Variants in PLEKHG4B observed in about 807,000 individuals in gnomAD.
The protein encoded by PLEKHG4B is pleckstrin homology and RhoGEF domain containing G4B.
In PLEKHG4B, 111 loss-of-function variants were observed where a neutral mutation model predicts 121.3. The observed-to-expected ratio is 0.92, with a 90% CI of 0.78 to 1.07. PLEKHG4B has a LOEUF of 1.07. PLEKHG4B is among the 50% of genes least tolerant of loss of function. The pLI, the probability that PLEKHG4B is intolerant of heterozygous loss-of-function variation, is 0.00. For synonymous variants in PLEKHG4B, 738 were observed against 725.0 expected (o/e 1.02, Z -0.29); for missense variants, 1,831 against 1,757.8 (o/e 1.04, Z -0.74).
chr5:179,361 C>T (rs1736861685), intron 18 of PLEKHG4B, among the ~76,000 whole-genome samples: 1 of 152,126 alleles, frequency 6.6e-6, no homozygotes, highest in Non-Finnish European at 1.5e-5. Context: ...AGGGGAAGGC[C>T]ATGGAGGGTG....
rs985683051 is a variant in PLEKHG4B, at chr5:144,809, C to G, written c.1812-18C>G. 7 of 1,605,076 alleles carry G rather than the reference C, an allele frequency of 4.4e-6. No homozygotes were observed. In the East Asian group the frequency reaches 6.7e-5, roughly 15 times the overall value. On this transcript the variant is annotated intron_variant, in intron 5 of 19. Coordinates refer to ENST00000637938, the MANE Select transcript of PLEKHG4B (RefSeq NM_052909.5). ...TTTAACCTTCAGTGGTTAAGATGGG[C>G]TGTCTTTCCCTCCCCAGGAAAGAGG...
chr5:148,354 AAAAT>A (rs1735496533), intron 6 of PLEKHG4B, among the ~76,000 whole-genome samples: 1 of 151,026 alleles, frequency 6.6e-6, no homozygotes, highest in Non-Finnish European at 1.5e-5. Flanking sequence ...CAAAAAAAAA[AAAAT>A]AAATAAAAAT....
At chr5:149,905 G>A (rs1735549937) in intron 6 of PLEKHG4B, among the ~76,000 whole-genome samples, 1 of 152,216 alleles carries the variant, frequency 6.6e-6, no homozygotes, top group African/African-American at 2.4e-5. Context: ...TGGAACCCTT[G>A]TGCACGGTTG....
Position 113,809 on chromosome 5 carries a change from C to G in PLEKHG4B, c.243+361C>G, listed in dbSNP as rs1465037486. 6.6e-6 allele frequency among the ~76,000 whole-genome samples: 1 copy of G among 152,162 alleles called. No individual in the cohort carries two copies. The highest frequency in any genetic ancestry group is 1.5e-5 in the Non-Finnish European group (1 of 68,032). On this transcript the variant is annotated intron_variant, in intron 2 of 19. Transcript: ENST00000637938. This position sits in a 1 kb window ranked among gnomAD's most constrained non-coding sequence, Gnocchi z 5.2. The stretch of plus-strand genomic sequence containing the variant: ...AGGGACTGTACTGAGCACTTCAGAG[C>G]TAAGTTACTGCAGCAGTAACAATGA...
At chr5:97,095 A>T (rs1386555260) in intron 1 of PLEKHG4B, among the ~76,000 whole-genome samples, 1 of 151,960 alleles carries the variant, frequency 6.6e-6, no homozygotes, top group Non-Finnish European at 1.5e-5. Flanking sequence ...GATTTTCCTC[A>T]TTCCAAAGTC....
In PLEKHG4B at chr5:155,439, C is replaced by T; in HGVS notation, c.2204C>T (p.Ala735Val). ...SLNTHRTPRT[A>V]QEVAELIDQH... The stretch of plus-strand genomic sequence containing the variant: ...AACACCCACAGAACCCCAAGAACAG[C>T]CCAGGTGAGTCCTCAGACTTGCAGG... The change falls in exon 9 of 20, where the codon GCC becomes GTC. Residue 735 changes from alanine (A) to valine (V), a missense_variant. By Grantham distance (64) the Ala-to-Val change is moderately conservative (BLOSUM62 0). Transcript: ENST00000637938. 1 of 1,612,838 alleles carries T rather than the reference C, an allele frequency of 6.2e-7. No individual in the cohort carries two copies. The highest frequency in any genetic ancestry group is 8.5e-7 in the Non-Finnish European group (1 of 1,178,806).
In PLEKHG4B at chr5:187,505, AAC is replaced by A. The variant is rs1348467002; in HGVS notation, c.*5185_*5186del. 6.6e-6 allele frequency: 1 copy of A among 152,310 alleles called. No homozygotes were observed. The highest frequency in any genetic ancestry group is 2.4e-5 in the African/African-American group (1 of 41,432). 9.4% of individuals were successfully genotyped at this position (152,310 alleles called of 1,614,324 possible). On this transcript the variant is annotated 3_prime_UTR_variant, in exon 20 of 20. Transcript: ENST00000637938. ...TCCACGTCCCCAGACCCCTCATGCC[AAC>A]ACCATTCCACCCAGCAGTTTCTTCC... is the stretch of plus-strand genomic sequence containing the variant.
At chr5:158,388 ATCTCC>A (rs1490092577) in intron 11 of PLEKHG4B, among the ~76,000 whole-genome samples, 2 of 96,906 alleles carry the variant, frequency 2.1e-5, no homozygotes, top group Non-Finnish European at 4.1e-5. Flanking sequence ...GGTCTCCTCC[ATCTCC>A]TCTCCTCTCT....
intron 6 of PLEKHG4B, among the ~76,000 whole-genome samples, chr5:149,113 C>T (rs749544078): frequency 1.3e-5 from 2 of 151,992 alleles, no homozygotes; most frequent in Non-Finnish European, 2.9e-5. Flanking sequence ...AACTATAAAA[C>T]GTTTAGAAGA....
intron 2 of PLEKHG4B, among the ~76,000 whole-genome samples, chr5:123,608 G>T (rs1174427085): frequency 6.6e-6 from 1 of 152,088 alleles, no homozygotes; most frequent in Non-Finnish European, 1.5e-5. Context: ...GGTAGGCTTT[G>T]TGTCTCTAGG....
At position 162,828 on chromosome 5, in the gene PLEKHG4B, C is replaced by T; in HGVS notation, c.2756C>T (p.Ala919Val). 1.3e-6 allele frequency: 2 copies of T among 1,512,530 alleles called. No homozygotes were observed. Among genetic ancestry groups the T allele is most frequent in the Non-Finnish European group, 1.8e-6 (2 of 1,130,092 alleles). 93.7% of individuals were successfully genotyped at this position (1,512,530 alleles called of 1,614,324 possible). A position where few individuals can be genotyped will look rare whatever the true frequency, so the allele number is the denominator to read the frequency against. ...HQEATSVAAE[A>V]FPGAGVAVLK... ...GAGGCTACCTCGGTGGCTGCAGAGG[C>T]CTTCCCCGGGGCAGGTGTGGCAGTG... The change falls in exon 13 of 20, where the codon GCC becomes GTC. Residue 919 changes from alanine (A) to valine (V), a missense_variant. Physicochemically the swap from Ala to Val is moderately conservative, Grantham distance 64. Coordinates refer to ENST00000637938, the MANE Select transcript of PLEKHG4B (RefSeq NM_052909.5).
intron 2 of PLEKHG4B, among the ~76,000 whole-genome samples, chr5:126,974 G>T (rs925041700): frequency 2.6e-5 from 4 of 152,136 alleles, no homozygotes; most frequent in African/African-American, 9.7e-5. Context: ...TGTGCGGGTC[G>T]GGGAAGCTGG....
intron 13 of PLEKHG4B, among the ~76,000 whole-genome samples, chr5:164,848 T>C (rs1310906430): frequency 4.0e-5 from 5 of 125,674 alleles, no homozygotes; most frequent in African/African-American, 1.7e-4. Context: ...ACTAATGCTG[T>C]GACAGGGGGC....
intron 18 of PLEKHG4B, among the ~76,000 whole-genome samples, chr5:180,928 A>G (rs879450625): frequency 6.6e-5 from 10 of 152,228 alleles, no homozygotes; most frequent in Non-Finnish European, 1.3e-4. Flanking sequence ...CGTTCTCCCA[A>G]GACCTCTGGA....
chr5:100,180 A>G (rs1733760821), intron 1 of PLEKHG4B, among the ~76,000 whole-genome samples: 2 of 152,214 alleles, frequency 1.3e-5, no homozygotes, highest in East Asian at 1.9e-4. Context: ...AAATCTCATT[A>G]CGTTATATGA....
At chr5:101,512 G>A (rs1579232818) in intron 1 of PLEKHG4B, among the ~76,000 whole-genome samples, 4 of 127,914 alleles carry the variant, frequency 3.1e-5, no homozygotes, top group East Asian at 4.4e-4. Context: ...GGAAAAGCCT[G>A]TAGGGGAGAG....
chr5:103,257 G>A (rs1733876625), intron 1 of PLEKHG4B, among the ~76,000 whole-genome samples: 1 of 152,158 alleles, frequency 6.6e-6, no homozygotes, highest in South Asian at 2.1e-4. Context: ...TTGTGAGTGG[G>A]TTTTCCCGGG....
Position 140,662 on chromosome 5 carries a change from G to T in PLEKHG4B, c.1423G>T (p.Val475Leu), listed in dbSNP as rs556754157. The change falls in exon 3 of 20, where the codon GTG becomes TTG. Residue 475 changes from valine to leucine, a missense_variant. Val to Leu is a conservative substitution (Grantham distance 32, BLOSUM62 1). Coordinates refer to ENST00000637938, the MANE Select transcript of PLEKHG4B (RefSeq NM_052909.5). ...RPGGHLGGQA[V>L]GTPNCVPVEG... is the part of the protein sequence containing the mutation. ...TGGGGGCCACCTAGGAGGACAAGCT[G>T]TGGGGACCCCAAACTGTGTCCCAGT... 2.5e-6 allele frequency: 4 copies of T among 1,606,104 alleles called. No homozygotes were observed. The highest frequency in any genetic ancestry group is 3.4e-6 in the Non-Finnish European group (4 of 1,176,412).
At chr5:120,614 C>T (rs1734439717) in intron 2 of PLEKHG4B, among the ~76,000 whole-genome samples, 1 of 152,188 alleles carries the variant, frequency 6.6e-6, no homozygotes, top group Non-Finnish European at 1.5e-5. Context: ...AGCCACAACC[C>T]TGCCCCAAAT....
Sources: allele counts gnomAD v4.1 joint callset (sites outside exome capture counted in the v4.1 genomes callset), GRCh38; gene constraint gnomAD v4.1.1; non-coding constraint Gnocchi (gnomAD v3.1); transcripts MANE v1.5; gene names NCBI Gene and HGNC (gene_info 2026-07-23, HGNC 2026-07-21).